SCMH1: variants seen among roughly 807,000 people sequenced by gnomAD.
SCMH1 encodes Scm polycomb group protein homolog 1, also known as polycomb protein SCMH1.
SCMH1 carries 37 observed loss-of-function variants against 70.8 expected under a neutral mutation model. The observed-to-expected ratio is 0.52, with a 90% CI of 0.40 to 0.69. The LOEUF (loss-of-function observed/expected upper bound fraction) is 0.69, where lower values mean the gene tolerates loss of function less well. Among genes scored for constraint, SCMH1 ranks in the 30% least tolerant of loss-of-function variants. SCMH1 has a pLI of 0.00. For missense variants in SCMH1, 607 were observed against 827.3 expected, an observed-to-expected ratio of 0.73 and a Z score of 3.27; for synonymous variants, 292 against 307.4, an observed-to-expected ratio of 0.95 and a Z score of 0.52.
intron 2 of SCMH1, among the ~76,000 whole-genome samples, chr1:41,179,148 C>T (rs369531467): frequency 1.3e-5 from 2 of 151,964 alleles, no homozygotes; most frequent in South Asian, 2.1e-4. Context: ...GGGTACATAA[C>T]GAAATGAAGG....
chr1:41,105,875 T>C (rs1352782363), intron 8 of SCMH1, among the ~76,000 whole-genome samples: 3 of 149,810 alleles, frequency 2.0e-5, no homozygotes, highest in African/African-American at 7.4e-5. Context: ...GCCCATTTGA[T>C]AGTTTTTTTT....
chr1:41,214,048 A>ATAAATC (rs1657598946), intron 1 of SCMH1, among the ~76,000 whole-genome samples: 1 of 152,174 alleles, frequency 6.6e-6, no homozygotes, highest in African/African-American at 2.4e-5. Context: ...TCTCATCACA[A>ATAAATC]TAAATCTAAG....
exon 2 of SCMH1, chr1:41,186,153 G>C: frequency 7.1e-7 from 1 of 1,404,258 alleles, no homozygotes; most frequent in Non-Finnish European, 9.9e-7. Flanking sequence ...ACTAAAAACC[G>C]GTCTAGGGGT....
chr1:41,084,987 GA>G (rs1661185567), intron 8 of SCMH1, among the ~76,000 whole-genome samples: 2 of 121,832 alleles, frequency 1.6e-5, no homozygotes, highest in Admixed American at 1.8e-4. Context: ...TGGGGTGGGG[GA>G]GGGGGGAGGG....
intron 2 of SCMH1, 47 bp downstream of exon 2, chr1:41,186,074 G>A: frequency 6.5e-7 from 1 of 1,542,994 alleles, no homozygotes; most frequent in South Asian, 1.2e-5. Flanking sequence ...TCCTTGCTAG[G>A]TCTCTTAATC....
At chr1:41,158,246 A>G (rs988978867) in intron 4 of SCMH1, among the ~76,000 whole-genome samples, 2 of 152,228 alleles carry the variant, frequency 1.3e-5, no homozygotes, top group African/African-American at 4.8e-5. Context: ...TGCTGGACAT[A>G]TAACTGTAAT....
At chr1:41,138,906 T>G (rs1643772711) in intron 6 of SCMH1, among the ~76,000 whole-genome samples, 1 of 152,192 alleles carries the variant, frequency 6.6e-6, no homozygotes, top group African/African-American at 2.4e-5. Context: ...TTTATATATC[T>G]TAAATTTTCC....
At chr1:41,171,267 C>A (rs1646763773) in intron 2 of SCMH1, among the ~76,000 whole-genome samples, 2 of 152,154 alleles carry the variant, frequency 1.3e-5, no homozygotes, top group African/African-American at 2.4e-5. Context: ...TTTTGTCCAG[C>A]TGGAATAGAC....
At chr1:41,138,371 GT>G (rs1352144687) in intron 6 of SCMH1, among the ~76,000 whole-genome samples, 1 of 151,930 alleles carries the variant, frequency 6.6e-6, no homozygotes. Flanking sequence ...CTGTTCCATT[GT>G]TTTGTTTATC....
At chr1:41,134,436 C>A (rs1443331931) in intron 6 of SCMH1, among the ~76,000 whole-genome samples, 5 of 152,108 alleles carry the variant, frequency 3.3e-5, no homozygotes, top group Non-Finnish European at 1.5e-5. Context: ...CTGGCTAGGG[C>A]AATCAGGCAA....
chr1:41,115,531 G>T (rs11209556), intron 7 of SCMH1, among the ~76,000 whole-genome samples: 1 of 152,074 alleles, frequency 6.6e-6, no homozygotes, highest in Non-Finnish European at 1.5e-5. Flanking sequence ...TCAATCTCCT[G>T]GGCTTAAGCG....
At chr1:41,143,022 C>A in exon 6 of SCMH1, 2 of 1,614,166 alleles carry the variant, frequency 1.2e-6, no homozygotes, top group Non-Finnish European at 1.7e-6. Context: ...AGTCCAACTA[C>A]TGTGGCAATA....
intron 12 of SCMH1, among the ~76,000 whole-genome samples, 196 bp from the exon 13 acceptor site, chr1:41,037,737 G>A (rs977798451): frequency 1.3e-5 from 2 of 152,168 alleles, no homozygotes; most frequent in Non-Finnish European, 2.9e-5. Context: ...CTGGACTTTG[G>A]TCTCTTTAGA....
At chr1:41,116,461 A>C (rs1670490070) in intron 7 of SCMH1, among the ~76,000 whole-genome samples, 1 of 152,220 alleles carries the variant, frequency 6.6e-6, no homozygotes, top group Admixed American at 6.5e-5. Context: ...TTCCTTAACT[A>C]TTAAATGGAA....
chr1:41,184,521 T>A (rs188595304), intron 2 of SCMH1, among the ~76,000 whole-genome samples: 19 of 152,272 alleles, frequency 1.2e-4, no homozygotes, highest in Admixed American at 5.9e-4. Context: ...ACTGGAGATA[T>A]ATCACTAAAC....
intron 2 of SCMH1, among the ~76,000 whole-genome samples, chr1:41,172,326 T>C (rs1221541028): frequency 6.6e-6 from 1 of 151,258 alleles, no homozygotes; most frequent in Non-Finnish European, 1.5e-5. Flanking sequence ...ATCAAGAAAG[T>C]AATCTCATTT....
At chr1:41,192,495 G>GAC (rs55940657) in intron 1 of SCMH1, among the ~76,000 whole-genome samples, 2,282 of 148,696 alleles carry the variant, frequency 0.015, 23 homozygotes, top group South Asian at 0.05. Flanking sequence ...TTAAATAGGA[G>GAC]ACACACACAC....
At chr1:41,167,907 GTTTTGTTTTTT>G (rs1270642162) in intron 2 of SCMH1, among the ~76,000 whole-genome samples, 1 of 49,706 alleles carries the variant, frequency 2.0e-5, no homozygotes, top group Non-Finnish European at 3.7e-5. Context: ...TGCTGGCAGT[GTTTTGTTTTTT>G]TTTTTTTTTT....
intron 6 of SCMH1, among the ~76,000 whole-genome samples, chr1:41,121,830 T>C (rs754840572): frequency 3.3e-5 from 5 of 152,228 alleles, no homozygotes; most frequent in African/African-American, 1.2e-4. Flanking sequence ...CTCAGTTTAA[T>C]AGGTGGCACC....
Sources: gnomAD v4.1 joint callset for allele counts (sites outside exome capture counted in the v4.1 genomes callset) on GRCh38, gnomAD v4.1.1 for gene constraint, MANE v1.5 for transcripts, NCBI Gene and HGNC (gene_info 2026-07-23, HGNC 2026-07-21) for gene names.